Variants in QTMAN observed in about 807,000 individuals in gnomAD.
QTMAN encodes queuosine-tRNA mannosyltransferase.
At chr2:144,063,551 C>G in the QTMAN span, among the ~76,000 whole-genome samples, 2 of 152,204 alleles carry the variant, frequency 1.3e-5, no homozygotes, top group South Asian at 4.1e-4. Flanking sequence ...AGTAAGTGTA[C>G]AATTTATGTT....
the QTMAN span, among the ~76,000 whole-genome samples, chr2:143,979,036 A>G: frequency 6.6e-6 from 1 of 152,236 alleles, no homozygotes; most frequent in African/African-American, 2.4e-5. Flanking sequence ...AGAAAGATGT[A>G]TAATTCTTAT....
chr2:144,020,208 C>G, the QTMAN span, among the ~76,000 whole-genome samples: 4 of 152,164 alleles, frequency 2.6e-5, no homozygotes, highest in Non-Finnish European at 5.9e-5. Context: ...CTGGCTAGGG[C>G]TCCACCCCCA....
chr2:144,054,807 T>TA, the QTMAN span, among the ~76,000 whole-genome samples: 5 of 152,228 alleles, frequency 3.3e-5, no homozygotes, highest in Admixed American at 3.3e-4. Context: ...ATAATGCTAG[T>TA]AATGCCTTTC....
At chr2:144,165,325 G>C in the QTMAN span, among the ~76,000 whole-genome samples, 1 of 151,908 alleles carries the variant, frequency 6.6e-6, no homozygotes, top group Admixed American at 6.6e-5. Context: ...AACCAAGATC[G>C]CGCCACTGCA....
At chr2:144,073,261 T>A in the QTMAN span, among the ~76,000 whole-genome samples, 1 of 149,042 alleles carries the variant, frequency 6.7e-6, no homozygotes, top group African/African-American at 2.4e-5. Flanking sequence ...TATATATATA[T>A]CATATATATT....
At chr2:144,050,494 G>C in the QTMAN span, among the ~76,000 whole-genome samples, 1 of 152,134 alleles carries the variant, frequency 6.6e-6, no homozygotes, top group African/African-American at 2.4e-5. Flanking sequence ...TATTAAAAGA[G>C]TTGAGAGGAG....
chr2:144,182,261 T>G, the QTMAN span, among the ~76,000 whole-genome samples: 1 of 152,232 alleles, frequency 6.6e-6, no homozygotes, highest in Admixed American at 6.5e-5. Context: ...TTAATCCATA[T>G]AAATTGTCTA....
the QTMAN span, among the ~76,000 whole-genome samples, chr2:144,035,063 G>C: frequency 1.3e-5 from 2 of 152,354 alleles, no homozygotes; most frequent in East Asian, 3.9e-4. Flanking sequence ...GCTGGAGGTA[G>C]AGCCTGGTGG....
the QTMAN span, among the ~76,000 whole-genome samples, chr2:144,091,696 G>A: frequency 4.6e-5 from 7 of 152,140 alleles, no homozygotes; most frequent in Non-Finnish European, 8.8e-5. Flanking sequence ...TACCCAAGGG[G>A]AATGAAGGCA....
At chr2:144,332,864 G>A in the QTMAN span, among the ~76,000 whole-genome samples, 228 of 152,290 alleles carry the variant, frequency 1.5e-3, no homozygotes, top group African/African-American at 4.9e-3. Flanking sequence ...CCTGTTCTAA[G>A]CTCGCATAGT....
chr2:144,323,413 C>T, the QTMAN span, among the ~76,000 whole-genome samples: 5 of 152,130 alleles, frequency 3.3e-5, no homozygotes, highest in African/African-American at 1.2e-4. Flanking sequence ...TGTGAATGCA[C>T]AGCTGTGAAG....
the QTMAN span, among the ~76,000 whole-genome samples, chr2:144,174,342 G>GA: frequency 4.6e-5 from 7 of 152,248 alleles, no homozygotes; most frequent in African/African-American, 1.4e-4. Context: ...TTAAGCTGGG[G>GA]ATGTCATAGC....
the QTMAN span, among the ~76,000 whole-genome samples, chr2:143,983,296 A>G: frequency 3.3e-5 from 5 of 152,186 alleles, no homozygotes; most frequent in Non-Finnish European, 7.4e-5. Context: ...TATACAATAA[A>G]GAAAGGCTGT....
chr2:144,284,581 T>TTATAGAATTATTA, the QTMAN span, among the ~76,000 whole-genome samples: 1 of 152,136 alleles, frequency 6.6e-6, no homozygotes, highest in African/African-American at 2.4e-5. Flanking sequence ...AACATGTATG[T>TTATAGAATTATTA]CACTTCTACA....
At chr2:144,086,546 C>G in the QTMAN span, among the ~76,000 whole-genome samples, 1 of 152,066 alleles carries the variant, frequency 6.6e-6, no homozygotes, top group South Asian at 2.1e-4. Context: ...AGTAAGTTGC[C>G]TGACAGCCAT....
the QTMAN span, among the ~76,000 whole-genome samples, chr2:143,988,192 T>A: frequency 6.6e-6 from 1 of 152,182 alleles, no homozygotes; most frequent in South Asian, 2.1e-4. Flanking sequence ...AACCACATTT[T>A]CCAAGCCCTT....
the QTMAN span, among the ~76,000 whole-genome samples, chr2:143,951,471 AT>A: frequency 6.6e-6 from 1 of 151,454 alleles, no homozygotes; most frequent in East Asian, 1.9e-4. Context: ...GAAACTGAGG[AT>A]TTTTTATGTC....
chr2:144,078,096 G>A, the QTMAN span, among the ~76,000 whole-genome samples: 1 of 152,166 alleles, frequency 6.6e-6, no homozygotes, highest in Admixed American at 6.5e-5. Context: ...TGAAAGGAAA[G>A]CATGCTATAG....
At chr2:143,949,476 G>A in the QTMAN span, among the ~76,000 whole-genome samples, 1 of 151,830 alleles carries the variant, frequency 6.6e-6, no homozygotes, top group African/African-American at 2.4e-5. Context: ...ATGATAAGAA[G>A]TTGAAATGAT....
Sources: gnomAD v4.1 joint callset for allele counts (sites outside exome capture counted in the v4.1 genomes callset) on GRCh38, gnomAD v4.1.1 for gene constraint, MANE v1.5 for transcripts, NCBI Gene and HGNC (gene_info 2026-07-23, HGNC 2026-07-21) for gene names.